The following PLEKHA5 variants were observed in gnomAD, a reference collection of about 807,000 sequenced individuals.
PLEKHA5 encodes pleckstrin homology domain containing A5, also known as pleckstrin homology domain-containing family A member 5.
PLEKHA5 carries 55 observed loss-of-function variants against 181.9 expected under a neutral mutation model. That is an observed-to-expected ratio of 0.30 (90% CI 0.24 to 0.38). PLEKHA5 has a LOEUF of 0.38. Ranked by LOEUF, PLEKHA5 falls within the 10% of genes least tolerant of loss-of-function variation. PLEKHA5 has a pLI of 1.00. For missense variants in PLEKHA5, 1,432 were observed against 1,549.5 expected (o/e 0.92, Z 1.27); for synonymous variants, 535 against 529.4 (o/e 1.01, Z -0.15).
At chr12:19,185,737 A>G (rs138053594) in intron 3 of PLEKHA5, among the ~76,000 whole-genome samples, 3 of 152,318 alleles carry the variant, frequency 2.0e-5, no homozygotes, top group African/African-American at 7.2e-5. Flanking sequence ...AACATATCTT[A>G]AAGAATGCAA....
chr12:19,269,730 C>T (rs751663976), intron 8 of PLEKHA5, 40 bp from the exon 9 acceptor site: 3 of 1,055,564 alleles, frequency 2.8e-6, no homozygotes, highest in South Asian at 2.8e-5. Context: ...TTACAGAATC[C>T]TATATTTTTA....
chr12:19,285,420 A>G (rs2077009481), intron 12 of PLEKHA5, among the ~76,000 whole-genome samples: 1 of 152,180 alleles, frequency 6.6e-6, no homozygotes, highest in South Asian at 2.1e-4. Context: ...GACTTCTCCA[A>G]AATTGCCAAA....
chr12:19,141,759 A>G (rs1438447434), intron 3 of PLEKHA5, among the ~76,000 whole-genome samples: 1 of 56,472 alleles, frequency 1.8e-5, no homozygotes, highest in Non-Finnish European at 9.0e-5. Flanking sequence ...ATTTAGCACA[A>G]GTGGCAGTAG....
chr12:19,337,171 G>A lies in PLEKHA5; in HGVS notation c.2550+555G>A, dbSNP rs536268775. 2.0e-5 allele frequency among the ~76,000 whole-genome samples: 3 copies of A among 151,720 alleles called. No homozygotes were observed. The East Asian group carries it at 5.8e-4, about 29-fold the overall frequency. On this transcript the variant is annotated intron_variant, in intron 21 of 31. Transcript: ENST00000429027. The stretch of plus-strand genomic sequence containing the variant: ...CCTTATTAGAATAGGGGAAGATACA[G>A]CACCATTTGCTATAAAGAATCCAGT...
At chr12:19,157,194 G>A (rs893495213) in intron 3 of PLEKHA5, among the ~76,000 whole-genome samples, 5 of 151,622 alleles carry the variant, frequency 3.3e-5, no homozygotes, top group African/African-American at 1.2e-4. Flanking sequence ...CCCTCATGCT[G>A]AGTTTAAAAT....
chr12:19,174,075 T>C (rs2046622900), intron 3 of PLEKHA5, among the ~76,000 whole-genome samples: 1 of 152,228 alleles, frequency 6.6e-6, no homozygotes, highest in African/African-American at 2.4e-5. Context: ...GGGAGAAAAG[T>C]GATTTGTTTT....
intron 3 of PLEKHA5, among the ~76,000 whole-genome samples, chr12:19,193,602 A>G (rs1161978261): frequency 3.3e-5 from 5 of 152,248 alleles, no homozygotes; most frequent in South Asian, 2.1e-4. Flanking sequence ...CACTGGAGCA[A>G]TGCACGTTGT....
rs2064664083 is a variant in PLEKHA5 at position 19,361,619 on chromosome 12, T to C, written c.3521T>C (p.Phe1174Ser). The C allele has an allele frequency of 6.4e-7, 1 of 1,553,118 alleles. No homozygotes were observed. Among genetic ancestry groups the C allele is most frequent in the African/African-American group, 1.4e-5 (1 of 73,354 alleles). ...KTENISYEMLFEPEPNGVNSV... is the reference protein window; with the variant it reads ...KTENISYEMLSEPEPNGVNSV... ...GAAAACATTTCATATGAAATGCTTT[T>C]TGAACCTGAGCCAAATGGAGTAAAT... The change falls in exon 29 of 32, where the codon TTT (phenylalanine) becomes TCT (serine). Residue 1174 changes from phenylalanine to serine, a missense_variant. Around this residue, in one of 2 missense-constraint regions of PLEKHA5, gnomAD observed 1,143 missense variants for 1,168.4 expected, o/e 0.98. Coordinates refer to ENST00000429027, the MANE Select transcript of PLEKHA5 (RefSeq NM_001256470.2).
chr12:19,276,864 C>G (rs1440351414), intron 11 of PLEKHA5, among the ~76,000 whole-genome samples: 1 of 152,102 alleles, frequency 6.6e-6, no homozygotes, highest in Non-Finnish European at 1.5e-5. Context: ...ACATGTTGTT[C>G]ACCATAAATA....
chr12:19,361,573 A>C lies in PLEKHA5; in HGVS notation c.3484-9A>C, dbSNP rs1592637332. On this transcript the variant is annotated splice_polypyrimidine_tract_variant and intron_variant, in intron 28 of 31. Transcript: ENST00000429027. Reference sequence around the variant, plus strand: ...CTTTGAAAAGAAAATTTTTCTTTTTATTCTACAGTTAAAAAAAACTGAAAA... The same window carrying C: ...CTTTGAAAAGAAAATTTTTCTTTTTCTTCTACAGTTAAAAAAAACTGAAAA... 1.5e-6 allele frequency: 2 copies of C among 1,371,212 alleles called. No individual in the cohort carries two copies. The highest frequency in any genetic ancestry group is 1.0e-6 in the Non-Finnish European group (1 of 983,392). 84.9% of individuals were successfully genotyped at this position (1,371,212 alleles called of 1,614,324 possible). A position where few individuals can be genotyped will look rare whatever the true frequency, so the allele number is the denominator to read the frequency against.
chr12:19,332,762 C>T (rs1260239230), intron 20 of PLEKHA5, among the ~76,000 whole-genome samples: 2 of 152,210 alleles, frequency 1.3e-5, no homozygotes, highest in African/African-American at 2.4e-5. Flanking sequence ...CTCGCTCAAG[C>T]GATCCTCTCA....
At chr12:19,147,060 G>T (rs1484412491) in intron 3 of PLEKHA5, 1 of 152,134 alleles carries the variant, frequency 6.6e-6, no homozygotes, top group African/African-American at 2.4e-5. Context: ...TATGCCATTG[G>T]GGTTCTAAGA....
At chr12:19,297,452 C>G (rs2080143563) in intron 15 of PLEKHA5, among the ~76,000 whole-genome samples, 1 of 150,670 alleles carries the variant, frequency 6.6e-6, no homozygotes. Context: ...GAAACCCCGT[C>G]TCTACTAAAA....
At chr12:19,302,055 G>A (rs1202902962) in intron 15 of PLEKHA5, among the ~76,000 whole-genome samples, 1 of 152,172 alleles carries the variant, frequency 6.6e-6, no homozygotes, top group Non-Finnish European at 1.5e-5. Context: ...CATCTTAAGA[G>A]CTTATTGATG....
chr12:19,187,706 A>AT (rs2151921049), intron 3 of PLEKHA5, among the ~76,000 whole-genome samples: 1 of 152,316 alleles, frequency 6.6e-6, no homozygotes, highest in African/African-American at 2.4e-5. Flanking sequence ...TTCCTATCTG[A>AT]TGATTTTAAA....
intron 20 of PLEKHA5, among the ~76,000 whole-genome samples, chr12:19,328,411 A>G (rs1384254297): frequency 1.3e-5 from 2 of 152,190 alleles, no homozygotes; most frequent in Admixed American, 1.3e-4. Context: ...TTTGGGCAGT[A>G]TGACCATTTT....
Position 19,322,663 on chromosome 12 carries a change from CTGCCG to C in PLEKHA5, c.2446_2448+2del. ...ACGTGTCGAGAACTTTCTCGAGCCA[CTGCCG>C]TAAGTAGATTTTTTTTTTCCCCTAA... On this transcript the variant is annotated splice_donor_variant and coding_sequence_variant, in exon 20 of 32. Coordinates refer to ENST00000429027, the MANE Select transcript of PLEKHA5 (RefSeq NM_001256470.2). LOFTEE classifies it high-confidence loss of function. The C allele has an allele frequency of 6.2e-7, 1 of 1,610,362 alleles. No individual in the cohort carries two copies.
chr12:19,145,119 A>G (rs1440672154), intron 3 of PLEKHA5, among the ~76,000 whole-genome samples: 1 of 152,124 alleles, frequency 6.6e-6, no homozygotes, highest in African/African-American at 2.4e-5. Flanking sequence ...TCAAGATAGT[A>G]GTGCCTTGGG....
Position 19,262,437 on chromosome 12 carries a change from C to G in PLEKHA5, c.610+1416C>G, listed in dbSNP as rs572118287. 4.6e-5 allele frequency among the ~76,000 whole-genome samples: 7 copies of G among 152,168 alleles called. No homozygotes were observed. The South Asian group carries it at 1.5e-3, about 32-fold the overall frequency. ...TATTTTTAGTAGAGACGGGGTTTCA[C>G]CATGTTGTCCAGGCTGGTCTCAAAC... On this transcript the variant is annotated intron_variant, in intron 7 of 31. Transcript: ENST00000429027.
Sources: gnomAD v4.1 joint callset for allele counts (sites outside exome capture counted in the v4.1 genomes callset) on GRCh38, gnomAD v4.1.1 for gene constraint, gnomAD v4.1.1 regional missense constraint, MANE v1.5 for transcripts, NCBI Gene and HGNC (gene_info 2026-07-23, HGNC 2026-07-21) for gene names.